The following ATRNL1 variants were observed in gnomAD, a reference collection of about 807,000 sequenced individuals.
ATRNL1 encodes attractin-like protein 1.
A neutral mutation model predicts 182.7 loss-of-function variants in ATRNL1; 95 were observed. The observed-to-expected ratio is 0.52, with a 90% CI of 0.44 to 0.62. The LOEUF (loss-of-function observed/expected upper bound fraction) is 0.62, where lower values mean the gene tolerates loss of function less well. Among genes scored for constraint, ATRNL1 ranks in the 20% least tolerant of loss-of-function variants. The pLI is 0.00. For missense variants in ATRNL1, 1,471 were observed against 1,679.5 expected, an observed-to-expected ratio of 0.88 and a Z score of 2.17; for synonymous variants, 576 against 568.3, an observed-to-expected ratio of 1.01 and a Z score of -0.19.
At chr10:115,378,630 G>A (rs1483503165) in intron 19 of ATRNL1, among the ~76,000 whole-genome samples, 1 of 152,122 alleles carries the variant, frequency 6.6e-6, no homozygotes, top group Non-Finnish European at 1.5e-5. Flanking sequence ...AGCAGAGAGG[G>A]GCTGGAGCTG....
At chr10:115,504,158 AT>A (rs1276541200) in intron 24 of ATRNL1, among the ~76,000 whole-genome samples, 1 of 151,948 alleles carries the variant, frequency 6.6e-6, no homozygotes, top group Non-Finnish European at 1.5e-5. Context: ...TTACCTAATT[AT>A]TTTCTTTTTA....
intron 26 of ATRNL1, among the ~76,000 whole-genome samples, chr10:115,650,152 C>T (rs1289507259): frequency 2.6e-5 from 4 of 152,042 alleles, no homozygotes; most frequent in Non-Finnish European, 5.9e-5. Context: ...CAACTTAATA[C>T]TGGGCAATTT....
Position 115,310,357 on chromosome 10 carries a change from G to A in ATRNL1, c.2819-5161G>A, listed in dbSNP as rs151322403. On this transcript the variant is annotated intron_variant, in intron 17 of 28. Transcript: ENST00000355044. ...CAGTGTGATACTGGCTTCATAGAAT[G>A]AGTTAGGAAAAATTTCCTATTTCTC... Among the ~76,000 whole-genome samples the A allele has an allele frequency of 4.9e-4, 74 of 152,118 alleles. 1 individual carries two copies. The East Asian group carries it at 0.014, about 29-fold the overall frequency.
chr10:115,891,708 G>C (rs1317194177), intron 28 of ATRNL1, among the ~76,000 whole-genome samples: 2 of 151,868 alleles, frequency 1.3e-5, no homozygotes, highest in East Asian at 3.9e-4. Flanking sequence ...AAATGGACAG[G>C]TACTTCAAAT....
chr10:115,327,290 C>T (rs1321174073), intron 18 of ATRNL1, among the ~76,000 whole-genome samples: 13 of 149,122 alleles, frequency 8.7e-5, no homozygotes, highest in Admixed American at 2.0e-4. Flanking sequence ...TGAACAGACA[C>T]TTCTCAAAAG....
At position 115,562,132 on chromosome 10, in the gene ATRNL1, A is replaced by C. The variant is rs1412764322; in HGVS notation, c.3795+12596A>C. ...AGTAGAAATATCCCAAATGCCTAAC[A>C]ACTGATGAATGGACAAATAAAAGGT... On this transcript the variant is annotated intron_variant, in intron 26 of 28. Transcript: ENST00000355044. Among the ~76,000 whole-genome samples the C allele has an allele frequency of 2.0e-5, 3 of 152,222 alleles. No individual in the cohort carries two copies. The East Asian group carries it at 5.8e-4, about 29-fold the overall frequency.
At chr10:115,433,315 A>C (rs1846253214) in intron 21 of ATRNL1, among the ~76,000 whole-genome samples, 1 of 152,100 alleles carries the variant, frequency 6.6e-6, no homozygotes, top group Non-Finnish European at 1.5e-5. Context: ...TATTTAATGG[A>C]ATTATCCTGG....
chr10:115,842,996 G>A (rs1950844907), intron 27 of ATRNL1, among the ~76,000 whole-genome samples: 2 of 151,986 alleles, frequency 1.3e-5, no homozygotes, highest in South Asian at 4.1e-4. Context: ...ATTATTATTA[G>A]TGTTTTACTA....
chr10:115,470,020 T>C (rs782393746), intron 24 of ATRNL1, among the ~76,000 whole-genome samples: 11 of 150,616 alleles, frequency 7.3e-5, no homozygotes, highest in Non-Finnish European at 1.3e-4. Flanking sequence ...ACATTAGTTA[T>C]TCGAATAGCT....
intron 20 of ATRNL1, 149 bp from the exon 21 acceptor site, chr10:115,426,101 C>G: frequency 1.8e-6 from 1 of 543,132 alleles, no homozygotes; most frequent in Non-Finnish European, 3.2e-6. Flanking sequence ...TCAAACACAT[C>G]TTTCAAAGAT....
At chr10:115,868,744 G>T (rs1201890301) in intron 28 of ATRNL1, among the ~76,000 whole-genome samples, 2 of 150,476 alleles carry the variant, frequency 1.3e-5, no homozygotes, top group African/African-American at 4.9e-5. Context: ...TGGCTCAAAA[G>T]AGGTTTCGGC....
intron 9 of ATRNL1, among the ~76,000 whole-genome samples, chr10:115,225,916 T>A (rs1849675200): frequency 6.6e-6 from 1 of 150,928 alleles, no homozygotes; most frequent in Non-Finnish European, 1.5e-5. Context: ...TTTGTATAAA[T>A]TTTAGAGTCT....
intron 27 of ATRNL1, among the ~76,000 whole-genome samples, chr10:115,829,392 G>A (rs1950509436): frequency 6.6e-6 from 1 of 151,290 alleles, no homozygotes; most frequent in South Asian, 2.1e-4. Flanking sequence ...CACATAGGTA[G>A]ATAAAAACAA....
chr10:115,837,627 A>G (rs1950709213), intron 27 of ATRNL1, among the ~76,000 whole-genome samples: 1 of 152,094 alleles, frequency 6.6e-6, no homozygotes, highest in Non-Finnish European at 1.5e-5. Flanking sequence ...TGTCCTTTGT[A>G]ATGGCTTTTG....
At chr10:115,530,785 C>T (rs1272156696) in intron 25 of ATRNL1, among the ~76,000 whole-genome samples, 2 of 118,330 alleles carry the variant, frequency 1.7e-5, no homozygotes, top group Admixed American at 9.6e-5. Flanking sequence ...CCCCTCCCCC[C>T]ACCCCACAAC....
intron 26 of ATRNL1, among the ~76,000 whole-genome samples, chr10:115,712,429 A>G (rs573893906): frequency 6.6e-6 from 1 of 152,210 alleles, no homozygotes; most frequent in African/African-American, 2.4e-5. Flanking sequence ...TAATCTTGAC[A>G]TGATACTATT....
intron 24 of ATRNL1, among the ~76,000 whole-genome samples, chr10:115,482,861 T>C (rs1484414207): frequency 6.6e-6 from 1 of 151,300 alleles, no homozygotes; most frequent in Non-Finnish European, 1.5e-5. Context: ...TTAAATATTC[T>C]TTGTTTTAGC....
intron 21 of ATRNL1, among the ~76,000 whole-genome samples, chr10:115,451,353 T>A (rs1847271626): frequency 6.6e-6 from 1 of 152,146 alleles, no homozygotes; most frequent in South Asian, 2.1e-4. Flanking sequence ...AGAAAATATT[T>A]GCAAACTATG....
At position 115,093,919 on chromosome 10, in the gene ATRNL1, G is replaced by A; in HGVS notation, c.169G>A (p.Val57Met). Reference sequence around the variant, plus strand: ...CCTCTACCTGGCGCTCTACGCGCAGGTGTCCCAGTCCAAGCCGTGCGAGAG... The same window carrying A: ...CCTCTACCTGGCGCTCTACGCGCAGATGTCCCAGTCCAAGCCGTGCGAGAG... ...GFLYLALYAQ[V>M]SQSKPCERTG... Residue 57 changes from valine to methionine, a missense_variant, in exon 1 of 29, where the codon GTG (valine) becomes ATG (methionine). Val to Met is a conservative substitution (Grantham distance 21, BLOSUM62 1). This residue lies in a region of ATRNL1 where 1,031 missense variants were observed against 1,156.0 expected (regional missense o/e 0.89). Coordinates refer to ENST00000355044, the MANE Select transcript of ATRNL1 (RefSeq NM_207303.4). This position sits in a 1 kb window ranked among gnomAD's most constrained non-coding sequence, Gnocchi z 6.1. 1 of 1,596,886 alleles carries A rather than the reference G, an allele frequency of 6.3e-7. No individual in the cohort carries two copies. Among genetic ancestry groups the A allele is most frequent in the Non-Finnish European group, 8.5e-7 (1 of 1,173,252 alleles).
Sources: allele counts gnomAD v4.1 joint callset (sites outside exome capture counted in the v4.1 genomes callset), GRCh38; gene constraint gnomAD v4.1.1; regional missense constraint gnomAD v4.1.1; non-coding constraint Gnocchi (gnomAD v3.1); transcripts MANE v1.5; gene names NCBI Gene and HGNC (gene_info 2026-07-23, HGNC 2026-07-21).